The following SGMS1 variants were observed in gnomAD, a reference collection of about 807,000 sequenced individuals.
SGMS1 encodes the protein phosphatidylcholine:ceramide cholinephosphotransferase 1.
SGMS1 carries 13 observed loss-of-function variants against 46.2 expected under a neutral mutation model. The observed-to-expected ratio is 0.28, with a 90% confidence interval of 0.18 to 0.45. The LOEUF (loss-of-function observed/expected upper bound fraction) is 0.45. SGMS1 is among the 20% of genes least tolerant of loss of function. SGMS1 has a pLI of 1.00. For missense variants in SGMS1, 324 were observed against 519.9 expected, an observed-to-expected ratio of 0.62 and a Z score of 3.66; for synonymous variants, 203 against 187.8, an observed-to-expected ratio of 1.08 and a Z score of -0.66.
intron 6 of SGMS1, among the ~76,000 whole-genome samples, chr10:50,404,656 A>G (rs971586842): frequency 6.6e-6 from 1 of 152,214 alleles, no homozygotes; most frequent in Non-Finnish European, 1.5e-5. Flanking sequence ...ATGTTTATCA[A>G]AATTTGAAAT....
At chr10:50,447,424 A>G (rs999821910) in intron 5 of SGMS1, among the ~76,000 whole-genome samples, 1 of 152,156 alleles carries the variant, frequency 6.6e-6, no homozygotes, top group Non-Finnish European at 1.5e-5. Context: ...ACTTGGGGAA[A>G]ATGTATCATT....
chr10:50,559,653 C>A (rs1838216810), intron 2 of SGMS1, among the ~76,000 whole-genome samples: 1 of 152,128 alleles, frequency 6.6e-6, no homozygotes, highest in African/African-American at 2.4e-5. Flanking sequence ...ACAGGGCCAC[C>A]CTGCCCTTAG....
At chr10:50,367,295 A>G (rs566950529) in intron 6 of SGMS1, among the ~76,000 whole-genome samples, 1 of 152,372 alleles carries the variant, frequency 6.6e-6, no homozygotes, top group Admixed American at 6.5e-5. Flanking sequence ...AAAATTAGCA[A>G]CAACTCACAG....
intron 6 of SGMS1, among the ~76,000 whole-genome samples, chr10:50,421,903 G>A (rs1168247811): frequency 6.6e-6 from 1 of 152,182 alleles, no homozygotes; most frequent in Non-Finnish European, 1.5e-5. Flanking sequence ...CTCAGCTGCT[G>A]GGTGGTTACC....
chr10:50,311,301 T>A lies in SGMS1; in HGVS notation c.856A>T (p.Thr286Ser). 6.2e-7 allele frequency: 1 copy of A among 1,613,978 alleles called. No individual in the cohort carries two copies. The highest frequency in any genetic ancestry group is 8.5e-7 in the Non-Finnish European group (1 of 1,179,890). Reference sequence around the variant, plus strand: ...AAGTAGGTAAGTGTTAGCATGACCGTGTGGCCGCTGTACAGATAGTCCCCA... The same window carrying A: ...AAGTAGGTAAGTGTTAGCATGACCGAGTGGCCGCTGTACAGATAGTCCCCA... ...MCGDYLYSGH[T>S]VMLTLTYLFI... Residue 286 changes from threonine to serine, a missense_variant, in exon 9 of 11, where the codon ACG (threonine) becomes TCG (serine). Physicochemically the swap from Thr to Ser is moderately conservative, Grantham distance 58 (BLOSUM62 1). Around this residue, in one of 2 missense-constraint regions of SGMS1, gnomAD observed 174 missense variants for 350.1 expected, o/e 0.50. Coordinates refer to ENST00000361781, the MANE Select transcript of SGMS1 (RefSeq NM_147156.4).
chr10:50,342,623 A>C (rs1427893769), intron 7 of SGMS1: 1 of 152,238 alleles, frequency 6.6e-6, no homozygotes, highest in Non-Finnish European at 1.5e-5. Flanking sequence ...ATTTAACCAC[A>C]TGGTGGATCA....
chr10:50,314,854 A>C (rs1342860165), intron 8 of SGMS1, among the ~76,000 whole-genome samples: 2 of 152,146 alleles, frequency 1.3e-5, no homozygotes, highest in African/African-American at 4.8e-5. Context: ...CTAGGAGTTC[A>C]AGGCTACAGT....
At chr10:50,394,774 T>C (rs900810946) in intron 6 of SGMS1, among the ~76,000 whole-genome samples, 2 of 152,218 alleles carry the variant, frequency 1.3e-5, no homozygotes, top group African/African-American at 4.8e-5. Flanking sequence ...ATACTCTAAG[T>C]TGTTTTTTTC....
At chr10:50,355,919 C>T (rs949164732) in intron 6 of SGMS1, among the ~76,000 whole-genome samples, 31 of 152,078 alleles carry the variant, frequency 2.0e-4, no homozygotes, top group African/African-American at 5.8e-4. Flanking sequence ...GTCTTTGCCC[C>T]GCCGCCACCC....
intron 3 of SGMS1, among the ~76,000 whole-genome samples, chr10:50,494,616 G>A (rs898957099): frequency 6.6e-6 from 1 of 152,180 alleles, no homozygotes; most frequent in Non-Finnish European, 1.5e-5. Flanking sequence ...GCACACACTG[G>A]AGCCTTTCAG....
chr10:50,426,770 T>C (rs535966440), intron 6 of SGMS1, among the ~76,000 whole-genome samples: 1 of 152,188 alleles, frequency 6.6e-6, no homozygotes, highest in African/African-American at 2.4e-5. Context: ...CAGACCTCTA[T>C]GAGCTATTGA....
At chr10:50,587,045 T>A (rs893465312) in intron 2 of SGMS1, among the ~76,000 whole-genome samples, 11 of 151,810 alleles carry the variant, frequency 7.2e-5, no homozygotes. Flanking sequence ...CACAAAAGAG[T>A]ACAATCTGCA....
chr10:50,339,668 TTGAA>T (rs1408474353), intron 7 of SGMS1, among the ~76,000 whole-genome samples: 2 of 152,192 alleles, frequency 1.3e-5, no homozygotes, highest in African/African-American at 2.4e-5. Flanking sequence ...TAAACACTAG[TTGAA>T]TGAATGAATG....
intron 6 of SGMS1, among the ~76,000 whole-genome samples, chr10:50,433,127 A>G (rs939205317): frequency 6.6e-6 from 1 of 152,226 alleles, no homozygotes; most frequent in Non-Finnish European, 1.5e-5. Context: ...ATGGAGCCCA[A>G]GGAAACCACT....
intron 6 of SGMS1, among the ~76,000 whole-genome samples, chr10:50,400,079 G>A (rs1035397709): frequency 1.3e-5 from 2 of 151,556 alleles, no homozygotes; most frequent in African/African-American, 4.8e-5. Context: ...ACGTGCGTGA[G>A]GTGCTAGGAA....
At chr10:50,621,049 G>A (rs1838845197) in intron 1 of SGMS1, among the ~76,000 whole-genome samples, 2 of 152,092 alleles carry the variant, frequency 1.3e-5, no homozygotes, top group African/African-American at 4.8e-5. Flanking sequence ...AGTGGTGCGT[G>A]CGTGTAGTCC....
In SGMS1 at chr10:50,347,669, G is replaced by C. The variant is rs1012535157; in HGVS notation, c.-231-3324C>G. On this transcript the variant is annotated intron_variant, in intron 6 of 10. Coordinates refer to ENST00000361781, the MANE Select transcript of SGMS1 (RefSeq NM_147156.4). ...TTCTCAGTGGAGTGTTGAGGCCCAA[G>C]GGAGATGAACACAGGCTTTTCACCT... 3.0e-4 allele frequency among the ~76,000 whole-genome samples: 46 copies of C among 152,122 alleles called. 1 individual carries two copies. Among genetic ancestry groups the C allele is most frequent in the Non-Finnish European group, 2.9e-4 (20 of 68,024 alleles).
intron 5 of SGMS1, among the ~76,000 whole-genome samples, chr10:50,453,531 A>G (rs1837138715): frequency 6.6e-6 from 1 of 151,510 alleles, no homozygotes; most frequent in Non-Finnish European, 1.5e-5. Context: ...GACAAATCCA[A>G]AGAAACTGTC....
intron 6 of SGMS1, among the ~76,000 whole-genome samples, chr10:50,388,139 A>G (rs967469365): frequency 6.6e-6 from 1 of 152,214 alleles, no homozygotes; most frequent in Non-Finnish European, 1.5e-5. Context: ...TTTGGTAATA[A>G]AAACATACAA....
Sources: allele counts gnomAD v4.1 joint callset (sites outside exome capture counted in the v4.1 genomes callset), GRCh38; gene constraint gnomAD v4.1.1; regional missense constraint gnomAD v4.1.1; transcripts MANE v1.5; gene names NCBI Gene and HGNC (gene_info 2026-07-23, HGNC 2026-07-21).